The following GABRA4 variants were observed in gnomAD, a reference collection of about 807,000 sequenced individuals.
GABRA4 encodes the protein gamma-aminobutyric acid type A receptor subunit alpha4.
In GABRA4, 12 loss-of-function variants were observed where a neutral mutation model predicts 49.7. The observed-to-expected ratio is 0.24, with a 90% CI of 0.15 to 0.39. The LOEUF (loss-of-function observed/expected upper bound fraction) is 0.39. Ranked by LOEUF, GABRA4 falls within the 10% of genes least tolerant of loss-of-function variation. GABRA4 has a pLI of 1.00. For missense variants in GABRA4, 506 were observed against 686.0 expected (o/e 0.74, Z 2.93); for synonymous variants, 288 against 240.2 (o/e 1.20, Z -1.84).
chr4:46,959,772 A>AAAAG (rs1553904324), intron 8 of GABRA4, among the ~76,000 whole-genome samples: 87 of 148,442 alleles, frequency 5.9e-4, no homozygotes, highest in African/African-American at 1.8e-3. Context: ...AAAAAAAAAA[A>AAAAG]AAAAGAAAAG....
At chr4:46,947,630 G>A (rs1236004726) in intron 8 of GABRA4, among the ~76,000 whole-genome samples, 12 of 151,874 alleles carry the variant, frequency 7.9e-5, no homozygotes, top group Non-Finnish European at 4.4e-5. Flanking sequence ...TATTTATTGA[G>A]CACCTGCAGC....
chr4:46,965,812 T>C (rs1297497433), intron 7 of GABRA4, among the ~76,000 whole-genome samples: 1 of 151,814 alleles, frequency 6.6e-6, no homozygotes, highest in Non-Finnish European at 1.5e-5. Flanking sequence ...TCTATTGAAT[T>C]AAAATACTAA....
rs1010881127 is a variant in GABRA4 at position 46,928,081 on chromosome 4, C to A, written c.*144G>T. 6.0e-6 allele frequency: 4 copies of A among 661,398 alleles called. No homozygotes were observed. Among genetic ancestry groups the A allele is most frequent in the Non-Finnish European group, 9.5e-6 (4 of 419,750 alleles). 41.0% of individuals were successfully genotyped at this position (661,398 alleles called of 1,614,324 possible). On this transcript the variant is annotated 3_prime_UTR_variant, in exon 9 of 9. Coordinates refer to ENST00000264318, the MANE Select transcript of GABRA4 (RefSeq NM_000809.4). ...TTTTTCACTCAGGAATTAATTAACT[C>A]TCCCAATAACTGGCTTATATCTTTA...
At chr4:46,974,011 AC>A (rs1723049243) in intron 6 of GABRA4, among the ~76,000 whole-genome samples, 2 of 151,880 alleles carry the variant, frequency 1.3e-5, no homozygotes, top group African/African-American at 4.8e-5. Context: ...GAATAAGAAA[AC>A]CAACTCACTT....
Position 46,961,922 on chromosome 4 carries a change from G to C in GABRA4, c.1134+3048C>G, listed in dbSNP as rs118165577. Among the ~76,000 whole-genome samples, 1,388 of 151,924 alleles carry C rather than the reference G, an allele frequency of 9.1e-3. 28 individuals carry two copies. The highest frequency in any genetic ancestry group is 0.04 in the East Asian group (205 of 5,128). On this transcript the variant is annotated intron_variant, in intron 8 of 8. Transcript: ENST00000264318. ...TTTTTATGAGGATCTGACTATTTTT[G>C]TACAGTTGGACTCCATGAAGAAAAA...
In GABRA4 at chr4:46,993,325, C is replaced by A. The variant is rs189446616; in HGVS notation, c.86+14G>T. The A allele has an allele frequency of 1.2e-6, 2 of 1,612,746 alleles. No individual in the cohort carries two copies. Among genetic ancestry groups the A allele is most frequent in the East Asian group, 2.2e-5 (1 of 44,870 alleles). On this transcript the variant is annotated intron_variant, in intron 1 of 8. Transcript: ENST00000264318. ...CTTTCCGTTGCCCACCTCCTCGCACCCCAGAGAACTCACCAAACCGCCAGG... is the reference window on the plus strand; with the variant it reads ...CTTTCCGTTGCCCACCTCCTCGCACACCAGAGAACTCACCAAACCGCCAGG...
Position 46,976,354 on chromosome 4 carries a change from C to CAAAAAAAAAAAAAA in GABRA4, c.577+693_577+706dup, listed in dbSNP as rs71193888. Among the ~76,000 whole-genome samples the CAAAAAAAAAAAAAA allele has an allele frequency of 3.9e-5, 2 of 51,758 alleles. 1 individual carries two copies. Among genetic ancestry groups the CAAAAAAAAAAAAAA allele is most frequent in the Non-Finnish European group, 7.0e-5 (2 of 28,398 alleles). The allele number at this position is 51,758 out of a possible 152,430, so 34.0% of individuals were successfully genotyped here. A position where few individuals can be genotyped will look rare whatever the true frequency, so the allele number is the denominator to read the frequency against. On this transcript the variant is annotated intron_variant, in intron 5 of 8. Coordinates refer to ENST00000264318, the MANE Select transcript of GABRA4 (RefSeq NM_000809.4). ...CTCCAGCCTCTCTACCACCCATTCT[C>CAAAAAAAAAAAAAA]AAAAAAAAAAAAAAAAAAAAAAAAG...
rs1013288857 is a variant in GABRA4, at chr4:46,921,100, T to A, written c.*7125A>T. 2.6e-5 allele frequency: 4 copies of A among 151,796 alleles called. No homozygotes were observed. The highest frequency in any genetic ancestry group is 9.7e-5 in the African/African-American group (4 of 41,430). 9.4% of individuals were successfully genotyped at this position (151,796 alleles called of 1,614,324 possible). A position where few individuals can be genotyped will look rare whatever the true frequency, so the allele number is the denominator to read the frequency against. Reference sequence around the variant, plus strand: ...GTAAAAGGAAAGGATAACATTTTATTCAAAATTTCTTTTATATTACGCATG... The same window carrying A: ...GTAAAAGGAAAGGATAACATTTTATACAAAATTTCTTTTATATTACGCATG... On this transcript the variant is annotated 3_prime_UTR_variant, in exon 9 of 9. Coordinates refer to ENST00000264318, the MANE Select transcript of GABRA4 (RefSeq NM_000809.4).
chr4:46,945,620 C>T (rs1339148147), intron 8 of GABRA4, among the ~76,000 whole-genome samples: 2 of 152,026 alleles, frequency 1.3e-5, no homozygotes, highest in Non-Finnish European at 2.9e-5. Context: ...TCCACAAACC[C>T]AAGAAAATTC....
At chr4:46,960,389 TATATGTTA>T (rs907106616) in intron 8 of GABRA4, among the ~76,000 whole-genome samples, 14 of 151,756 alleles carry the variant, frequency 9.2e-5, no homozygotes, top group African/African-American at 3.4e-4. Context: ...AATAAAAGGT[TATATGTTA>T]AACAGCTGAA....
intron 8 of GABRA4, among the ~76,000 whole-genome samples, chr4:46,931,149 C>T (rs1015036597): frequency 1.3e-5 from 2 of 151,962 alleles, no homozygotes; most frequent in African/African-American, 4.8e-5. Context: ...GAGGTAACTA[C>T]CCAAGGCTGA....
At chr4:46,980,899 T>A (rs1313806441) in intron 2 of GABRA4, among the ~76,000 whole-genome samples, 1 of 152,064 alleles carries the variant, frequency 6.6e-6, no homozygotes, top group Non-Finnish European at 1.5e-5. Context: ...CCATTGCAAG[T>A]CAGGGCAAGT....
rs141828046 is a variant in GABRA4, at chr4:46,965,195, G to A, written c.909C>T (p.Ser303=). 1.3e-5 allele frequency: 21 copies of A among 1,587,528 alleles called. No individual in the cohort carries two copies. Among genetic ancestry groups the A allele is most frequent in the Non-Finnish European group, 1.8e-5 (21 of 1,164,426 alleles). ...TGGGCAAAGAATGTCGTGCACTGAT[G>A]CTTAGTGTGGTCATGGTGAGGACAG... ...ITTVLTMTTL[S]ISARHSLPKV... is the part of the protein sequence containing the mutation. The change falls in exon 8 of 9, where the codon AGC becomes AGT. Residue 303 remains serine (S), a synonymous_variant. Transcript: ENST00000264318.
intron 2 of GABRA4, among the ~76,000 whole-genome samples, chr4:46,982,141 C>T (rs1343693709): frequency 1.3e-5 from 2 of 152,002 alleles, no homozygotes; most frequent in African/African-American, 4.8e-5. Context: ...GTTAAAACTA[C>T]AAGGAAAATA....
At position 46,928,416 on chromosome 4, in the gene GABRA4, T is replaced by C. The variant is rs905594042; in HGVS notation, c.1474A>G (p.Thr492Ala). The C allele has an allele frequency of 6.2e-6, 10 of 1,613,462 alleles. No homozygotes were observed. The highest frequency in any genetic ancestry group is 8.5e-6 in the Non-Finnish European group (10 of 1,179,684). ...GACAACTTCCCAGTAGCCCCTATGG[T>C]ATTAACTGTGGTCTTTATCCTCTGC... ...RLQRIKTTVN[T>A]IGATGKLSAT... is the part of the protein sequence containing the mutation. The change falls in exon 9 of 9, where the codon ACC becomes GCC. Residue 492 changes from threonine (T) to alanine (A), a missense_variant. Coordinates refer to ENST00000264318, the MANE Select transcript of GABRA4 (RefSeq NM_000809.4).
chr4:46,949,991 C>A (rs1446222073), intron 8 of GABRA4, among the ~76,000 whole-genome samples: 1 of 152,024 alleles, frequency 6.6e-6, no homozygotes, highest in Non-Finnish European at 1.5e-5. Context: ...ATTTCAGTCC[C>A]AAAATGTATT....
intron 8 of GABRA4, among the ~76,000 whole-genome samples, chr4:46,936,219 G>A (rs1721597959): frequency 1.3e-5 from 2 of 152,130 alleles, no homozygotes; most frequent in Admixed American, 6.5e-5. Context: ...GGGATCTTGT[G>A]TACTATTCTA....
chr4:46,980,729 C>G lies in GABRA4; in HGVS notation c.206-1631G>C, dbSNP rs561437434. On this transcript the variant is annotated intron_variant, in intron 2 of 8. Coordinates refer to ENST00000264318, the MANE Select transcript of GABRA4 (RefSeq NM_000809.4). ...ATGATAGTAATAAGCTCATTAATGT[C>G]AAATTGTTCCAGGAATAGCTAGGTA... is the stretch of plus-strand genomic sequence containing the variant. Among the ~76,000 whole-genome samples the G allele has an allele frequency of 3.9e-5, 6 of 152,118 alleles. 1 individual carries two copies. The South Asian group carries it at 1.2e-3, about 31-fold the overall frequency.
chr4:46,920,425 G>C lies in GABRA4; in HGVS notation c.*7800C>G, dbSNP rs1720979189. Reference sequence around the variant, plus strand: ...AAAATATAAAATATGAGACATATGAGAAAATATGAAATATGAGACATGAGA... The same window carrying C: ...AAAATATAAAATATGAGACATATGACAAAATATGAAATATGAGACATGAGA... On this transcript the variant is annotated 3_prime_UTR_variant, in exon 9 of 9. Coordinates refer to ENST00000264318, the MANE Select transcript of GABRA4 (RefSeq NM_000809.4). The C allele has an allele frequency of 6.6e-6, 1 of 151,458 alleles. No individual in the cohort carries two copies. The highest frequency in any genetic ancestry group is 1.5e-5 in the Non-Finnish European group (1 of 67,622). The allele number at this position is 151,458 out of a possible 1,614,324, so 9.4% of individuals were successfully genotyped here.
Sources: allele counts gnomAD v4.1 joint callset (sites outside exome capture counted in the v4.1 genomes callset), GRCh38; gene constraint gnomAD v4.1.1; transcripts MANE v1.5; gene names NCBI Gene and HGNC (gene_info 2026-07-23, HGNC 2026-07-21).